The following PTPN3 variants were observed in gnomAD, a reference collection of about 807,000 sequenced individuals.
The protein encoded by PTPN3 is protein tyrosine phosphatase non-receptor type 3, also known as tyrosine-protein phosphatase non-receptor type 3.
A neutral mutation model predicts 132.7 loss-of-function variants in PTPN3; 96 were observed. The ratio of observed to expected loss-of-function variants is 0.72; its 90% confidence interval spans 0.61 to 0.86. PTPN3 has a LOEUF of 0.86. PTPN3 is among the 40% of genes least tolerant of loss of function. The pLI is 0.00. For synonymous variants in PTPN3, 398 were observed against 429.0 expected (o/e 0.93, Z 0.89); for missense variants, 1,125 against 1,159.6 (o/e 0.97, Z 0.43).
At chr9:109,417,016 A>G (rs1842556998) in intron 14 of PTPN3, among the ~76,000 whole-genome samples, 1 of 152,106 alleles carries the variant, frequency 6.6e-6, no homozygotes, top group African/African-American at 2.4e-5. Context: ...TCTCCCTTTT[A>G]TCTGGGTGGA....
At chr9:109,384,825 T>C (rs150126630) in intron 22 of PTPN3, among the ~76,000 whole-genome samples, 46 of 152,380 alleles carry the variant, frequency 3.0e-4, no homozygotes, top group African/African-American at 1.1e-3. Flanking sequence ...CAGTGAATAC[T>C]TGAAACTAAA....
chr9:109,387,939 A>G (rs1318331121), intron 22 of PTPN3, among the ~76,000 whole-genome samples: 3 of 152,230 alleles, frequency 2.0e-5, no homozygotes, highest in East Asian at 1.9e-4. Context: ...GAAATCAAGT[A>G]TCTCGTGGGG....
intron 22 of PTPN3, among the ~76,000 whole-genome samples, chr9:109,384,329 C>A: frequency 6.6e-6 from 1 of 152,208 alleles, no homozygotes; most frequent in East Asian, 1.9e-4. Context: ...GTCTCTGAAG[C>A]CCTTGAAGGC....
rs1235716126 is a variant in PTPN3 at position 109,404,558 on chromosome 9, A to G, written c.1843T>C (p.Phe615Leu). The G allele has an allele frequency of 6.4e-7, 1 of 1,567,560 alleles. No homozygotes were observed. Among genetic ancestry groups the G allele is most frequent in the Non-Finnish European group, 8.7e-7 (1 of 1,149,674 alleles). ...FKSEDELNQL[F>L]PEAIFPMCPE... ...CACATGGGGAAAATGGCTTCGGGGA[A>G]AAGCTGGTTCAGTTCATCTTCAGAC... The change falls in exon 19 of 26, where the codon TTC becomes CTC. Residue 615 changes from phenylalanine (F) to leucine (L), a missense_variant. By Grantham distance (22) the Phe-to-Leu change is conservative. Coordinates refer to ENST00000374541, the MANE Select transcript of PTPN3 (RefSeq NM_002829.4).
chr9:109,486,391 A>G (rs1319617938), intron 1 of PTPN3, among the ~76,000 whole-genome samples: 1 of 152,158 alleles, frequency 6.6e-6, no homozygotes, highest in Non-Finnish European at 1.5e-5. Context: ...CCTATTTGTG[A>G]CAGTAAGCAA....
intron 19 of PTPN3, among the ~76,000 whole-genome samples, chr9:109,392,353 AAC>A (rs767641262): frequency 2.0e-5 from 3 of 152,098 alleles, no homozygotes; most frequent in Non-Finnish European, 4.4e-5. Flanking sequence ...GGAATTTAAA[AAC>A]ACAGTTTTTT....
chr9:109,394,861 C>T (rs552650215), intron 19 of PTPN3, among the ~76,000 whole-genome samples: 6 of 151,994 alleles, frequency 3.9e-5, no homozygotes, highest in South Asian at 2.1e-4. Flanking sequence ...AGAAACTGGC[C>T]GGGTGTGGCA....
chr9:109,427,509 A>G (rs1843364547), intron 11 of PTPN3, among the ~76,000 whole-genome samples: 1 of 152,260 alleles, frequency 6.6e-6, no homozygotes, highest in Non-Finnish European at 1.5e-5. Flanking sequence ...CTATCAGACA[A>G]CAGCAAGTTT....
chr9:109,520,897 C>T, the PTPN3 span, among the ~76,000 whole-genome samples: 20 of 151,576 alleles, frequency 1.3e-4, no homozygotes, highest in African/African-American at 4.8e-4. Flanking sequence ...CACTTGCACA[C>T]ACGCCCTCTA....
chr9:109,530,645 C>G, the PTPN3 span, among the ~76,000 whole-genome samples: 6 of 152,142 alleles, frequency 3.9e-5, no homozygotes, highest in African/African-American at 9.7e-5. Context: ...ATACTATGTT[C>G]CATTGCAGCT....
At chr9:109,475,267 T>C (rs1387136070) in intron 1 of PTPN3, among the ~76,000 whole-genome samples, 2 of 152,238 alleles carry the variant, frequency 1.3e-5, no homozygotes, top group African/African-American at 4.8e-5. Context: ...ATTCCAAGGT[T>C]AAGTTTCTGT....
intron 22 of PTPN3, among the ~76,000 whole-genome samples, chr9:109,388,931 C>T (rs1437439526): frequency 6.6e-6 from 1 of 152,180 alleles, no homozygotes; most frequent in East Asian, 1.9e-4. Context: ...ACTGCTCTTT[C>T]AGGACCAGCA....
rs780662928 is a variant in PTPN3, at chr9:109,382,431, G to A, written c.2399C>T (p.Thr800Ile). The change falls in exon 24 of 26, where the codon ACA (threonine) becomes ATA (isoleucine). Residue 800 changes from threonine to isoleucine, a missense_variant. Physicochemically the swap from Thr to Ile is moderately conservative, Grantham distance 89 (BLOSUM62 -1). Coordinates refer to ENST00000374541, the MANE Select transcript of PTPN3 (RefSeq NM_002829.4). ...VTNTQTGEEH[T>I]VTHLQYVAWP... ...TGCGACGTACTGGAGATGTGTCACT[G>A]TGTGTTCTTCCCCGGTCTGTGGGAG... The A allele has an allele frequency of 1.2e-6, 2 of 1,614,216 alleles. No homozygotes were observed. The highest frequency in any genetic ancestry group is 8.5e-7 in the Non-Finnish European group (1 of 1,180,044).
At chr9:109,457,916 G>A (rs975417794) in intron 2 of PTPN3, among the ~76,000 whole-genome samples, 3 of 152,192 alleles carry the variant, frequency 2.0e-5, no homozygotes, top group African/African-American at 7.2e-5. Context: ...AGAGTGATGT[G>A]GCCTGTGCCA....
intron 21 of PTPN3, 139 bp downstream of exon 21, chr9:109,390,999 C>T (rs1588302927): frequency 1.4e-6 from 1 of 726,840 alleles, no homozygotes; most frequent in East Asian, 2.8e-5. Flanking sequence ...TCTGCCTGCC[C>T]TCCCATGGCT....
chr9:109,530,543 T>A, the PTPN3 span, among the ~76,000 whole-genome samples: 2 of 152,240 alleles, frequency 1.3e-5, no homozygotes, highest in African/African-American at 4.8e-5. Context: ...TATCCATATA[T>A]CTTTCTGCTT....
the PTPN3 span, among the ~76,000 whole-genome samples, chr9:109,537,125 C>G: frequency 6.6e-6 from 1 of 152,146 alleles, no homozygotes; most frequent in Non-Finnish European, 1.5e-5. Context: ...TACAAAGCCT[C>G]TGTTCTAAAA....
In PTPN3 at chr9:109,378,672, C is replaced by G. The variant is rs945593343; in HGVS notation, c.*884G>C. On this transcript the variant is annotated 3_prime_UTR_variant, in exon 26 of 26. Coordinates refer to ENST00000374541, the MANE Select transcript of PTPN3 (RefSeq NM_002829.4). ...GAATATTTAGATGACACTGTCCCAT[C>G]TCCCCTTGGGAAAATCATAAGGTTT... The G allele has an allele frequency of 1.3e-5, 2 of 152,618 alleles. No homozygotes were observed. The highest frequency in any genetic ancestry group is 4.8e-5 in the African/African-American group (2 of 41,424). The allele number at this position is 152,618 out of a possible 1,614,324, so 9.5% of individuals were successfully genotyped here.
At chr9:109,424,112 G>C (rs1172486845) in intron 12 of PTPN3, among the ~76,000 whole-genome samples, 1 of 152,012 alleles carries the variant, frequency 6.6e-6, no homozygotes, top group African/African-American at 2.4e-5. Context: ...CCAACTCCAA[G>C]GTTTAATGTG....
Sources: gnomAD v4.1 joint callset for allele counts (sites outside exome capture counted in the v4.1 genomes callset) on GRCh38, gnomAD v4.1.1 for gene constraint, MANE v1.5 for transcripts, NCBI Gene and HGNC (gene_info 2026-07-23, HGNC 2026-07-21) for gene names.